SLC25A33: variants seen among roughly 807,000 people sequenced by gnomAD.
SLC25A33 encodes solute carrier family 25 member 33, also known as bone marrow stromal cell mitochondrial carrier protein.
A neutral mutation model predicts 35.5 loss-of-function variants in SLC25A33; 15 were observed. The observed-to-expected ratio is 0.42, with a 90% CI of 0.28 to 0.65. The LOEUF (loss-of-function observed/expected upper bound fraction) is 0.65. Among genes scored for constraint, SLC25A33 ranks in the 30% least tolerant of loss-of-function variants. SLC25A33 has a pLI of 0.20. For synonymous variants in SLC25A33, 136 were observed against 148.7 expected (o/e 0.91, Z 0.62); for missense variants, 257 against 398.5 (o/e 0.64, Z 3.02).
rs188049689 is a variant in SLC25A33, at chr1:9,559,329, C to T, written c.236+5524C>T. On this transcript the variant is annotated intron_variant, in intron 2 of 6. Transcript: ENST00000302692. ...AATTACTGAAATCGTCCCCAAGCATCGAGAATGTTGCCTGTCACATAGCAA... is the reference window on the plus strand; with the variant it reads ...AATTACTGAAATCGTCCCCAAGCATTGAGAATGTTGCCTGTCACATAGCAA... Among the ~76,000 whole-genome samples, 434 of 152,192 alleles carry T rather than the reference C, an allele frequency of 2.9e-3. 2 individuals are homozygous for T. Among genetic ancestry groups the T allele is most frequent in the Non-Finnish European group, 4.5e-3 (303 of 68,024 alleles).
At position 9,583,256 on chromosome 1, in the gene SLC25A33, G is replaced by A. The variant is rs1643768150; in HGVS notation, c.*755G>A. 6.6e-6 allele frequency: 1 copy of A among 152,024 alleles called. No homozygotes were observed. Among genetic ancestry groups the A allele is most frequent in the Non-Finnish European group, 1.5e-5 (1 of 68,034 alleles). 9.4% of individuals were successfully genotyped at this position (152,024 alleles called of 1,614,324 possible). Reference sequence around the variant, plus strand: ...TTGTGTCACATTTTGGTGGTGGTGTGTGGACCAGGACAAACTTCCCAGCAA... The same window carrying A: ...TTGTGTCACATTTTGGTGGTGGTGTATGGACCAGGACAAACTTCCCAGCAA... On this transcript the variant is annotated 3_prime_UTR_variant, in exon 7 of 7. Coordinates refer to ENST00000302692, the MANE Select transcript of SLC25A33 (RefSeq NM_032315.3).
intron 2 of SLC25A33, 39 bp from the exon 3 acceptor site, chr1:9,567,245 C>T: frequency 1.9e-6 from 3 of 1,559,762 alleles, no homozygotes; most frequent in Non-Finnish European, 2.6e-6. Flanking sequence ...TAGGCCTTGC[C>T]TGAGGGGTTT....
intron 1 of SLC25A33, among the ~76,000 whole-genome samples, chr1:9,545,542 C>T (rs1264310704): frequency 3.3e-5 from 5 of 151,904 alleles, no homozygotes; most frequent in Admixed American, 6.6e-5. Context: ...GGATTGCAGG[C>T]GCCTGCCACC....
chr1:9,571,776 C>T (rs548042074), intron 4 of SLC25A33, among the ~76,000 whole-genome samples: 3 of 152,124 alleles, frequency 2.0e-5, no homozygotes, highest in Non-Finnish European at 4.4e-5. Context: ...GTAGCTGGAA[C>T]TATAGCTGCA....
At chr1:9,576,962 A>ACT in intron 5 of SLC25A33, 1 of 1,242,942 alleles carries the variant, frequency 8.0e-7, no homozygotes, top group Admixed American at 1.7e-5. Context: ...TGAAAAAGGA[A>ACT]CTGTTCAGCA....
chr1:9,579,991 G>A lies in SLC25A33; in HGVS notation c.520G>A (p.Ala174Thr), dbSNP rs1643715806. 6.2e-7 allele frequency: 1 copy of A among 1,613,486 alleles called. No homozygotes were observed. Among genetic ancestry groups the A allele is most frequent in the African/African-American group, 1.3e-5 (1 of 74,950 alleles). The stretch of plus-strand genomic sequence containing the variant: ...TAAGCAGATGAATACACTCCAGTGT[G>A]CTCGTTACGTTTACCAGACCGAAGG... ...GSKQMNTLQC[A>T]RYVYQTEGIR... The change falls in exon 6 of 7, where the codon GCT (alanine) becomes ACT (threonine). Residue 174 changes from alanine to threonine, a missense_variant. Transcript: ENST00000302692.
intron 2 of SLC25A33, among the ~76,000 whole-genome samples, chr1:9,564,515 C>T (rs1643471334): frequency 6.6e-6 from 1 of 151,720 alleles, no homozygotes; most frequent in Non-Finnish European, 1.5e-5. Context: ...GTGGAAGCAA[C>T]CCAAGTGTCC....
At chr1:9,576,404 GCT>G in intron 5 of SLC25A33, 48 of 365,626 alleles carry the variant, frequency 1.3e-4, no homozygotes, top group South Asian at 3.4e-4. Flanking sequence ...AGCCAGGTGG[GCT>G]TTGCCGTGTC....
chr1:9,583,217 CAA>C lies in SLC25A33; in HGVS notation c.*728_*729del, dbSNP rs569184884. The C allele has an allele frequency of 1.4e-5, 2 of 141,938 alleles. No homozygotes were observed. Among genetic ancestry groups the C allele is most frequent in the Non-Finnish European group, 3.1e-5 (2 of 64,640 alleles). The allele number at this position is 141,938 out of a possible 1,614,324, so 8.8% of individuals were successfully genotyped here. ...TGGTCGACAGAGTGAGACTCCATCT[CAA>C]AAAAAAAAAAATTGTGTCACATTTT... is the stretch of plus-strand genomic sequence containing the variant. On this transcript the variant is annotated 3_prime_UTR_variant, in exon 7 of 7. Transcript: ENST00000302692.
At chr1:9,553,990 C>T (rs1445854621) in intron 2 of SLC25A33, among the ~76,000 whole-genome samples, 185 bp downstream of exon 2, 2 of 152,166 alleles carry the variant, frequency 1.3e-5, no homozygotes, top group Non-Finnish European at 2.9e-5. Context: ...CGGGGGGTCC[C>T]AGTGTACATG....
At chr1:9,560,752 G>A (rs566005121) in intron 2 of SLC25A33, among the ~76,000 whole-genome samples, 3 of 143,562 alleles carry the variant, frequency 2.1e-5, no homozygotes, top group South Asian at 4.3e-4. Flanking sequence ...AACCTATCTC[G>A]AACCTATCTT....
intron 2 of SLC25A33, among the ~76,000 whole-genome samples, chr1:9,564,765 T>TATATATATATATATAC (rs59741987): frequency 2.8e-3 from 317 of 114,406 alleles, no homozygotes; most frequent in East Asian, 9.0e-3. Context: ...TATATATATA[T>TATATATATATATATAC]ACACAAAAAT....
intron 1 of SLC25A33, among the ~76,000 whole-genome samples, chr1:9,540,592 A>G (rs1643065093): frequency 6.6e-6 from 1 of 152,102 alleles, no homozygotes; most frequent in Non-Finnish European, 1.5e-5. Context: ...TTTTTCCTTT[A>G]TCACAGCCGG....
chr1:9,564,587 TA>T (rs1312758456), intron 2 of SLC25A33, among the ~76,000 whole-genome samples: 7 of 150,978 alleles, frequency 4.6e-5, no homozygotes, highest in Non-Finnish European at 1.0e-4. Context: ...ATTCAGCCTT[TA>T]AAAAAAAGGA....
At chr1:9,573,093 A>T (rs536553819) in intron 4 of SLC25A33, among the ~76,000 whole-genome samples, 35 of 152,248 alleles carry the variant, frequency 2.3e-4, no homozygotes, top group Middle Eastern at 3.4e-3. Context: ...ACCACCACCT[A>T]CAGGTTGAAA....
At chr1:9,546,339 C>A (rs543170409) in intron 1 of SLC25A33, among the ~76,000 whole-genome samples, 27 of 152,062 alleles carry the variant, frequency 1.8e-4, no homozygotes, top group African/African-American at 5.8e-4. Context: ...CACCCGCCAC[C>A]ACACCTGGCT....
At chr1:9,573,508 A>G in intron 5 of SLC25A33, 96 bp downstream of exon 5, 1 of 990,870 alleles carries the variant, frequency 1.0e-6, no homozygotes, top group Middle Eastern at 2.3e-4. Flanking sequence ...AGATATAGAG[A>G]TGTACCCCCC....
Position 9,578,203 on chromosome 1 carries a change from C to G in SLC25A33, c.483-1751C>G, listed in dbSNP as rs1373095271. Among the ~76,000 whole-genome samples the G allele has an allele frequency of 6.6e-6, 1 of 152,168 alleles. No homozygotes were observed. Among genetic ancestry groups the G allele is most frequent in the East Asian group, 1.9e-4 (1 of 5,200 alleles). On this transcript the variant is annotated intron_variant, in intron 5 of 6. Coordinates refer to ENST00000302692, the MANE Select transcript of SLC25A33 (RefSeq NM_032315.3). This position sits in a 1 kb window ranked among gnomAD's most constrained non-coding sequence, Gnocchi z 4.3. Reference sequence around the variant, plus strand: ...AAAGTGCTGGGAATACAGGTGTGAGCCACCGCACCCGGCCTCTGGATGGTT... The same window carrying G: ...AAAGTGCTGGGAATACAGGTGTGAGGCACCGCACCCGGCCTCTGGATGGTT...
At chr1:9,540,865 A>T (rs1383366324) in intron 1 of SLC25A33, among the ~76,000 whole-genome samples, 1 of 152,196 alleles carries the variant, frequency 6.6e-6, no homozygotes, top group Non-Finnish European at 1.5e-5. Context: ...GTGGGCAGTC[A>T]CCAGGTTACT....
Sources: allele counts gnomAD v4.1 joint callset (sites outside exome capture counted in the v4.1 genomes callset), GRCh38; gene constraint gnomAD v4.1.1; non-coding constraint Gnocchi (gnomAD v3.1); transcripts MANE v1.5; gene names NCBI Gene and HGNC (gene_info 2026-07-23, HGNC 2026-07-21).